Variants in LRRTM4 observed in about 807,000 individuals in gnomAD.
LRRTM4 encodes the protein leucine rich repeat transmembrane neuronal 4, also known as leucine-rich repeat transmembrane neuronal protein 4.
Under a neutral mutation model 47.6 loss-of-function variants are expected in LRRTM4, and 25 were observed. That is an observed-to-expected ratio of 0.53 (90% CI 0.38 to 0.73). The LOEUF (loss-of-function observed/expected upper bound fraction) is 0.73. Ranked by LOEUF, LRRTM4 falls within the 30% of genes least tolerant of loss-of-function variation. The pLI is 0.00. For missense variants in LRRTM4, 638 were observed against 713.4 expected (o/e 0.89, Z 1.20); for synonymous variants, 311 against 269.5 (o/e 1.15, Z -1.51).
intron 3 of LRRTM4, among the ~76,000 whole-genome samples, chr2:77,241,205 TACAC>T (rs10555648): frequency 0.027 from 3,228 of 119,702 alleles, 52 homozygotes; most frequent in African/African-American, 0.047. Context: ...GAATTGGAAA[TACAC>T]ACACACACAC....
intron 3 of LRRTM4, among the ~76,000 whole-genome samples, chr2:77,128,748 TC>T (rs1167511190): frequency 6.6e-6 from 1 of 152,108 alleles, no homozygotes; most frequent in Non-Finnish European, 1.5e-5. Flanking sequence ...CAAGCGATTC[TC>T]CTCCCTCAGC....
intron 3 of LRRTM4, among the ~76,000 whole-genome samples, chr2:77,302,759 C>G (rs542377039): frequency 6.6e-6 from 1 of 152,104 alleles, no homozygotes; most frequent in Non-Finnish European, 1.5e-5. Flanking sequence ...CACGTGCACA[C>G]GCCCCTTCCT....
intron 3 of LRRTM4, among the ~76,000 whole-genome samples, chr2:77,416,354 T>C (rs1394935857): frequency 2.6e-5 from 4 of 152,052 alleles, no homozygotes; most frequent in Non-Finnish European, 5.9e-5. Flanking sequence ...TTGCAACAAA[T>C]ATTATTCTGT....
At chr2:76,944,327 C>T (rs563714043) in intron 3 of LRRTM4, among the ~76,000 whole-genome samples, 1 of 152,076 alleles carries the variant, frequency 6.6e-6, no homozygotes, top group East Asian at 1.9e-4. Flanking sequence ...AAAATTTTTT[C>T]TTAGGGGCTC....
chr2:77,067,686 T>TGTACACACAC (rs1319232118), intron 3 of LRRTM4, among the ~76,000 whole-genome samples: 1 of 140,726 alleles, frequency 7.1e-6, no homozygotes, highest in African/African-American at 2.8e-5. Flanking sequence ...CAAAGATACG[T>TGTACACACAC]ACACACACAC....
intron 3 of LRRTM4, among the ~76,000 whole-genome samples, chr2:76,930,566 G>T (rs1021532381): frequency 1.3e-5 from 2 of 152,106 alleles, no homozygotes; most frequent in Non-Finnish European, 2.9e-5. Context: ...CTTGGTCATT[G>T]ATTTCTCCGG....
chr2:76,780,760 G>T (rs891148066), intron 3 of LRRTM4, among the ~76,000 whole-genome samples: 5 of 152,128 alleles, frequency 3.3e-5, no homozygotes, highest in Admixed American at 6.5e-5. Flanking sequence ...CTCTCAGCTT[G>T]TCAAAGTCAT....
At chr2:77,087,112 G>T (rs1322011090) in intron 3 of LRRTM4, among the ~76,000 whole-genome samples, 1 of 152,174 alleles carries the variant, frequency 6.6e-6, no homozygotes, top group Admixed American at 6.5e-5. Context: ...ATCTTATGAA[G>T]CAAGAAGCTT....
At chr2:77,269,878 A>C (rs1379047170) in intron 3 of LRRTM4, among the ~76,000 whole-genome samples, 1 of 152,098 alleles carries the variant, frequency 6.6e-6, no homozygotes, top group Non-Finnish European at 1.5e-5. Context: ...CTTGAACTAA[A>C]CTCCAGGATC....
chr2:77,329,726 T>C (rs1407156577), intron 3 of LRRTM4, among the ~76,000 whole-genome samples: 1 of 151,958 alleles, frequency 6.6e-6, no homozygotes, highest in Non-Finnish European at 1.5e-5. Context: ...CGGGGACTTC[T>C]GGGAGGGGAG....
At chr2:76,815,501 G>C (rs872176) in intron 3 of LRRTM4, among the ~76,000 whole-genome samples, 61,559 of 151,844 alleles carry the variant, frequency 0.41, 13,054 homozygotes, top group East Asian at 0.65. Context: ...CAACTGGAAT[G>C]ACTGGATACC....
At chr2:77,175,078 T>TC (rs1450389357) in intron 3 of LRRTM4, among the ~76,000 whole-genome samples, 2 of 150,002 alleles carry the variant, frequency 1.3e-5, no homozygotes, top group Middle Eastern at 3.2e-3. Context: ...TTTTTTCTTT[T>TC]TTTTTTTTTT....
chr2:77,072,933 CAGA>C (rs1265163996), intron 3 of LRRTM4, among the ~76,000 whole-genome samples: 6 of 151,290 alleles, frequency 4.0e-5, no homozygotes, highest in Middle Eastern at 3.4e-3. Flanking sequence ...TTTGTTAAGA[CAGA>C]AGAAGCATAA....
chr2:76,961,776 A>G (rs1363774948), intron 3 of LRRTM4, among the ~76,000 whole-genome samples: 1 of 151,316 alleles, frequency 6.6e-6, no homozygotes, highest in Non-Finnish European at 1.5e-5. Flanking sequence ...GCTCTAGGTG[A>G]TACATACTAT....
At chr2:77,094,472 G>A (rs1349746740) in intron 3 of LRRTM4, among the ~76,000 whole-genome samples, 1 of 151,926 alleles carries the variant, frequency 6.6e-6, no homozygotes, top group Non-Finnish European at 1.5e-5. Context: ...CATAGCCAAA[G>A]CAATATTGAG....
intron 3 of LRRTM4, among the ~76,000 whole-genome samples, chr2:76,916,257 C>G (rs1190942329): frequency 6.6e-6 from 1 of 151,242 alleles, no homozygotes; most frequent in African/African-American, 2.4e-5. Context: ...TGTTGGCGGG[C>G]GCCTGTAGTC....
At chr2:77,429,390 C>T (rs137915726) in intron 3 of LRRTM4, among the ~76,000 whole-genome samples, 3 of 152,192 alleles carry the variant, frequency 2.0e-5, no homozygotes, top group African/African-American at 7.2e-5. Flanking sequence ...GTTTAAAAGA[C>T]TCCTGCACTC....
At chr2:76,976,282 C>T (rs1558773223) in intron 3 of LRRTM4, among the ~76,000 whole-genome samples, 1 of 151,498 alleles carries the variant, frequency 6.6e-6, no homozygotes, top group Non-Finnish European at 1.5e-5. Flanking sequence ...ATAATAGTAT[C>T]AAGAGAGTAA....
At chr2:77,279,534 A>C (rs1460605962) in intron 3 of LRRTM4, among the ~76,000 whole-genome samples, 2 of 151,936 alleles carry the variant, frequency 1.3e-5, no homozygotes, top group East Asian at 3.9e-4. Flanking sequence ...AAACTATGGG[A>C]TAACATGCTT....
Sources: allele counts gnomAD v4.1 joint callset (sites outside exome capture counted in the v4.1 genomes callset), GRCh38; gene constraint gnomAD v4.1.1; transcripts MANE v1.5; gene names NCBI Gene and HGNC (gene_info 2026-07-23, HGNC 2026-07-21).